The following FHIT variants were observed in gnomAD, a reference collection of about 807,000 sequenced individuals.
FHIT encodes fragile histidine triad diadenosine triphosphatase.
FHIT carries 19 observed loss-of-function variants against 17.9 expected under a neutral mutation model. The ratio of observed to expected loss-of-function variants is 1.06; its 90% confidence interval spans 0.74 to 1.56. FHIT has a LOEUF of 1.56. FHIT is among the 40% of genes most tolerant of loss of function. The probability of loss-of-function intolerance (pLI) is 0.00; values close to 1 mark genes in which losing one functional copy is unlikely to be tolerated. For missense variants in FHIT, 248 were observed against 189.2 expected (o/e 1.31, Z -1.82); for synonymous variants, 81 against 69.7 (o/e 1.16, Z -0.81).
chr3:60,853,490 A>G (rs1395231767), intron 3 of FHIT, among the ~76,000 whole-genome samples: 1 of 152,038 alleles, frequency 6.6e-6, no homozygotes, highest in Non-Finnish European at 1.5e-5. Flanking sequence ...CGAGCACCCA[A>G]AACAAACCTT....
At chr3:59,822,233 T>C (rs1478322251) in intron 8 of FHIT, among the ~76,000 whole-genome samples, 5 of 152,220 alleles carry the variant, frequency 3.3e-5, no homozygotes, top group Non-Finnish European at 7.3e-5. Context: ...ATTTTTGCAA[T>C]TGTGAATTGT....
chr3:60,085,992 G>C (rs1454998489), intron 5 of FHIT, among the ~76,000 whole-genome samples: 2 of 152,152 alleles, frequency 1.3e-5, no homozygotes, highest in Non-Finnish European at 2.9e-5. Context: ...AAAGAAAAGA[G>C]GTTTATTTGG....
At chr3:60,114,930 A>C (rs143468005) in intron 5 of FHIT, among the ~76,000 whole-genome samples, 2 of 152,190 alleles carry the variant, frequency 1.3e-5, no homozygotes, top group Admixed American at 1.3e-4. Flanking sequence ...CTGTCTGATA[A>C]AAGTTGGCAA....
intron 2 of FHIT, among the ~76,000 whole-genome samples, chr3:61,113,741 T>C (rs886670899): frequency 6.6e-6 from 1 of 152,140 alleles, no homozygotes; most frequent in Non-Finnish European, 1.5e-5. Flanking sequence ...AACCCCAGCC[T>C]CTAACATAAC....
At chr3:60,757,128 C>T (rs148963864) in intron 4 of FHIT, among the ~76,000 whole-genome samples, 437 of 152,266 alleles carry the variant, frequency 2.9e-3, no homozygotes, top group African/African-American at 0.01. Flanking sequence ...TATTTGAGAT[C>T]TCCCAAATAC....
chr3:60,190,613 T>G (rs1198939482), intron 5 of FHIT, among the ~76,000 whole-genome samples: 2 of 151,440 alleles, frequency 1.3e-5, no homozygotes, highest in African/African-American at 4.9e-5. Context: ...TGGGGACTGT[T>G]GTGGGGTGGG....
intron 8 of FHIT, among the ~76,000 whole-genome samples, chr3:59,894,983 C>T (rs1217493509): frequency 6.6e-6 from 1 of 152,210 alleles, no homozygotes; most frequent in Non-Finnish European, 1.5e-5. Context: ...CATCAGACAT[C>T]AGGGGCTGGA....
chr3:60,183,998 G>GT (rs11302357), intron 5 of FHIT, among the ~76,000 whole-genome samples: 51,456 of 146,336 alleles, frequency 0.35, 10,367 homozygotes, highest in Non-Finnish European at 0.46. Flanking sequence ...TTTATTTTTC[G>GT]TTTTTTTTTT....
chr3:60,275,702 A>C (rs545044270), intron 5 of FHIT, among the ~76,000 whole-genome samples: 157 of 152,310 alleles, frequency 1.0e-3, no homozygotes, highest in African/African-American at 3.7e-3. Context: ...ATGCATACTT[A>C]GGAAAGAAGA....
chr3:60,894,677 C>CA lies in FHIT; in HGVS notation c.-110-72667dup, dbSNP rs55641632. Among the ~76,000 whole-genome samples, 940 of 150,276 alleles carry CA rather than the reference C, an allele frequency of 6.3e-3. 16 individuals carry two copies. Among genetic ancestry groups the CA allele is most frequent in the African/African-American group, 0.021 (856 of 40,980 alleles). On this transcript the variant is annotated intron_variant, in intron 3 of 9. Coordinates refer to ENST00000492590, the MANE Select transcript of FHIT (RefSeq NM_002012.4). ...AGAGCTTTTAGTATTCAAAACAAAA[C>CA]AAAAAAAAACAAACAAAAAAACAAA...
At chr3:60,068,929 T>C (rs1702637822) in intron 5 of FHIT, among the ~76,000 whole-genome samples, 1 of 152,232 alleles carries the variant, frequency 6.6e-6, no homozygotes, top group South Asian at 2.1e-4. Flanking sequence ...TGTAAGACTG[T>C]TTCTCTATTA....
intron 5 of FHIT, among the ~76,000 whole-genome samples, chr3:60,130,626 T>C (rs368572476): frequency 1.7e-4 from 15 of 90,644 alleles, no homozygotes; most frequent in Admixed American, 6.8e-4. Flanking sequence ...AATGAAATCA[T>C]ATACAAAAAT....
At chr3:60,001,341 G>A (rs1699721744) in intron 7 of FHIT, among the ~76,000 whole-genome samples, 1 of 152,116 alleles carries the variant, frequency 6.6e-6, no homozygotes, top group South Asian at 2.1e-4. Flanking sequence ...CTGCATTATG[G>A]TGTTCATTTC....
At chr3:59,835,455 G>C (rs1701307517) in intron 8 of FHIT, among the ~76,000 whole-genome samples, 2 of 152,180 alleles carry the variant, frequency 1.3e-5, no homozygotes, top group East Asian at 3.9e-4. Context: ...ATACTGCAAA[G>C]ACACAAAGAA....
intron 5 of FHIT, among the ~76,000 whole-genome samples, chr3:60,227,068 T>A (rs1161389421): frequency 6.6e-6 from 1 of 152,094 alleles, no homozygotes; most frequent in African/African-American, 2.4e-5. Flanking sequence ...ATTCTCCCCA[T>A]TTGTATAATG....
chr3:60,545,222 G>A (rs141211548), intron 4 of FHIT, among the ~76,000 whole-genome samples: 14 of 151,148 alleles, frequency 9.3e-5, no homozygotes, highest in South Asian at 4.2e-4. Context: ...TACCTATTTC[G>A]TATTGTGTTT....
intron 2 of FHIT, among the ~76,000 whole-genome samples, chr3:61,047,180 T>G (rs530007736): frequency 4.1e-4 from 63 of 152,096 alleles, no homozygotes; most frequent in African/African-American, 1.4e-3. Flanking sequence ...AGGAAAAGAG[T>G]AAGTCCAATT....
At chr3:60,567,729 G>C (rs140610962) in intron 4 of FHIT, among the ~76,000 whole-genome samples, 1,870 of 152,180 alleles carry the variant, frequency 0.012, 11 homozygotes, top group Non-Finnish European at 0.02. Flanking sequence ...CTAATATCCA[G>C]AATCTACAAT....
intron 4 of FHIT, among the ~76,000 whole-genome samples, chr3:60,666,895 T>C (rs2040394429): frequency 7.1e-6 from 1 of 140,940 alleles, no homozygotes; most frequent in Admixed American, 7.5e-5. Context: ...AGAGTCTCAC[T>C]TTATTATACA....
Sources: gnomAD v4.1 joint callset for allele counts (sites outside exome capture counted in the v4.1 genomes callset) on GRCh38, gnomAD v4.1.1 for gene constraint, MANE v1.5 for transcripts, NCBI Gene and HGNC (gene_info 2026-07-23, HGNC 2026-07-21) for gene names.